The following PRX variants were observed in gnomAD, a reference collection of about 807,000 sequenced individuals.
The protein encoded by PRX is periaxin.
Under a neutral mutation model 29.6 loss-of-function variants are expected in PRX, and 24 were observed. That is an observed-to-expected ratio of 0.81 (90% confidence interval 0.59 to 1.14). The LOEUF is 1.14. Ranked by LOEUF, PRX falls within the 50% of genes most tolerant of loss-of-function variation. The pLI is 0.00. For missense variants in PRX, 1,838 were observed against 1,926.4 expected, an observed-to-expected ratio of 0.95 and a Z score of 0.86; for synonymous variants, 772 against 831.7, an observed-to-expected ratio of 0.93 and a Z score of 1.24.
chr19:40,410,201 ACT>A (rs2079552143), intron 1 of PRX, among the ~76,000 whole-genome samples: 1 of 150,194 alleles, frequency 6.7e-6, no homozygotes, highest in South Asian at 2.1e-4. Flanking sequence ...GGAGATGAAT[ACT>A]CTCTCCCCCA....
intron 1 of PRX, among the ~76,000 whole-genome samples, chr19:40,408,887 A>G (rs1263285112): frequency 1.3e-5 from 2 of 151,450 alleles, no homozygotes; most frequent in East Asian, 1.9e-4. Flanking sequence ...CTGGAGTGCA[A>G]TGGCGCGATC....
chr19:40,405,997 A>G (rs376131126), intron 4 of PRX, among the ~76,000 whole-genome samples: 1 of 150,706 alleles, frequency 6.6e-6, no homozygotes, highest in Non-Finnish European at 1.5e-5. Context: ...CTATAATCCC[A>G]GCACTTTGGG....
At chr19:40,402,767 T>C (rs2079504740) in intron 5 of PRX, among the ~76,000 whole-genome samples, 2 of 62,606 alleles carry the variant, frequency 3.2e-5, no homozygotes, top group African/African-American at 3.9e-4. Flanking sequence ...AGAGCGAGAC[T>C]CCGTCTCAAA....
In PRX at chr19:40,403,645, AG is replaced by A. The variant is rs1163853155; in HGVS notation, c.184+60del. ...CAGTTTCAGCCTCTCTTTGGACCCA[AG>A]GCAGATTCCTAACCCCGCCCCCGCA... On this transcript the variant is annotated intron_variant, in intron 5 of 6. Coordinates refer to ENST00000324001, the MANE Select transcript of PRX (RefSeq NM_181882.3). 3.3e-6 allele frequency: 5 copies of A among 1,499,252 alleles called. No homozygotes were observed. In the East Asian group the frequency reaches 1.2e-4, roughly 37 times the overall value. The allele number at this position is 1,499,252 out of a possible 1,614,324, so 92.9% of individuals were successfully genotyped here.
rs2079448733 is a variant in PRX, at chr19:40,397,256, C to T, written c.1096G>A (p.Gly366Arg). 8.1e-6 allele frequency: 13 copies of T among 1,613,814 alleles called. No individual in the cohort carries two copies. Among genetic ancestry groups the T allele is most frequent in the Non-Finnish European group, 1.1e-5 (13 of 1,180,040 alleles). Residue 366 changes from glycine to arginine, a missense_variant, in exon 7 of 7, where the codon GGG (glycine) becomes AGG (arginine). Transcript: ENST00000324001. Reference sequence around the variant, plus strand: ...TCAGCAACTTCCTTTGCTCGAGCCCCAAATCGGGGAAAACTAAGGCGGGGC... The same window carrying T: ...TCAGCAACTTCCTTTGCTCGAGCCCTAAATCGGGGAAAACTAAGGCGGGGC... ...KMPRLSFPRF[G>R]ARAKEVAEAK...
Position 40,403,826 on chromosome 19 carries a change from C to G in PRX, c.64G>C (p.Glu22Gln). 1 of 1,607,596 alleles carries G rather than the reference C, an allele frequency of 6.2e-7. No homozygotes were observed. The highest frequency in any genetic ancestry group is 1.1e-5 in the South Asian group (1 of 90,402). The change falls in exon 5 of 7, where the codon GAG (glutamate) becomes CAG (glutamine). Residue 22 changes from glutamate (E) to glutamine (Q), a missense_variant. Coordinates refer to ENST00000324001, the MANE Select transcript of PRX (RefSeq NM_181882.3). ...CTGACCCCGGTCTGCGCCTCCGTCT[C>G]CACGATAATTTCCACCAACTCCGCC... Reference protein sequence around the residue: ...RRAELVEIIVETEAQTGVSGI... With the variant: ...RRAELVEIIVQTEAQTGVSGI...
In PRX at chr19:40,397,711, G is replaced by A. The variant is rs368874138; in HGVS notation, c.641C>T (p.Pro214Leu). 2 of 1,561,896 alleles carry A rather than the reference G, an allele frequency of 1.3e-6. No homozygotes were observed. Among genetic ancestry groups the A allele is most frequent in the African/African-American group, 1.3e-5 (1 of 74,406 alleles). Reference sequence around the variant, plus strand: ...CTCAGCCTCCACCTTGGCTTTCCTGGGGGGAGGAGCGGCGGCGGCCAGCCG... The same window carrying A: ...CTCAGCCTCCACCTTGGCTTTCCTGAGGGGAGGAGCGGCGGCGGCCAGCCG... ...AARLAAAAPPPRKAKVEAEVA... is the reference protein window; with the variant it reads ...AARLAAAAPPLRKAKVEAEVA... The change falls in exon 7 of 7, where the codon CCC (proline) becomes CTC (leucine). Residue 214 changes from proline to leucine, a missense_variant. Coordinates refer to ENST00000324001, the MANE Select transcript of PRX (RefSeq NM_181882.3).
At position 40,408,159 on chromosome 19, in the gene PRX, G is replaced by A. The variant is rs1019891781; in HGVS notation, c.-101C>T. ...CCCCCACCCCAGCTGTCCTCTCACC[G>A]CTGCCTGGGTGCAGGCACTTCCTCC... On this transcript the variant is annotated splice_region_variant and 5_prime_UTR_variant, in exon 3 of 7. Transcript: ENST00000324001. 11 of 615,364 alleles carry A rather than the reference G, an allele frequency of 1.8e-5. No homozygotes were observed. The highest frequency in any genetic ancestry group is 5.7e-5 in the South Asian group (3 of 52,632). 38.1% of individuals were successfully genotyped at this position (615,364 alleles called of 1,614,324 possible).
chr19:40,408,011 A>G lies in PRX; in HGVS notation c.-79T>C. On this transcript the variant is annotated 5_prime_UTR_variant, in exon 4 of 7. The change abolishes an upstream ATG in the 5' untranslated region. Transcript: ENST00000324001. Reference sequence around the variant, plus strand: ...GCTGCAGAACCAGCTTCAGTTCTGCATGGAGCAGCTGCCTCTGAGCCTGTG... The same window carrying G: ...GCTGCAGAACCAGCTTCAGTTCTGCGTGGAGCAGCTGCCTCTGAGCCTGTG... 1.3e-6 allele frequency: 2 copies of G among 1,593,644 alleles called. No individual in the cohort carries two copies. Among genetic ancestry groups the G allele is most frequent in the Admixed American group, 1.7e-5 (1 of 59,444 alleles).
In PRX at chr19:40,397,002, G is replaced by T; in HGVS notation, c.1350C>A (p.Val450=). Residue 450 remains valine (V), a synonymous_variant, in exon 7 of 7, where the codon GTC becomes GTA. Coordinates refer to ENST00000324001, the MANE Select transcript of PRX (RefSeq NM_181882.3). ...PEVKLPKAPE[V]KLPKVPEAAL... Reference sequence around the variant, plus strand: ...CTGCCTCGGGCACTTTTGGAAGCTTGACCTCAGGAGCCTTGGGGAGCTTCA... The same window carrying T: ...CTGCCTCGGGCACTTTTGGAAGCTTTACCTCAGGAGCCTTGGGGAGCTTCA... 1 of 1,614,126 alleles carries T rather than the reference G, an allele frequency of 6.2e-7. No homozygotes were observed. The highest frequency in any genetic ancestry group is 8.5e-7 in the Non-Finnish European group (1 of 1,180,036).
intron 5 of PRX, among the ~76,000 whole-genome samples, chr19:40,400,212 C>T (rs1004852535): frequency 1.4e-5 from 2 of 144,714 alleles, no homozygotes. Context: ...GAACTCCCGA[C>T]GTCAGGTGAT....
Position 40,403,700 on chromosome 19 carries a change from G to A in PRX, c.184+6C>T. 2 of 1,527,312 alleles carry A rather than the reference G, an allele frequency of 1.3e-6. No homozygotes were observed. The highest frequency in any genetic ancestry group is 3.9e-5 in the Admixed American group (2 of 51,740). 94.6% of individuals were successfully genotyped at this position (1,527,312 alleles called of 1,614,324 possible). A position where few individuals can be genotyped will look rare whatever the true frequency, so the allele number is the denominator to read the frequency against. ...CGACCCCGCCCCACACCCCGGGCCC[G>A]CCCACCTTCCTGCAGGCTGAGGCTC... On this transcript the variant is annotated splice_donor_region_variant and intron_variant, in intron 5 of 6. Coordinates refer to ENST00000324001, the MANE Select transcript of PRX (RefSeq NM_181882.3).
rs1568704659 is a variant in PRX at position 40,395,410 on chromosome 19, C to T, written c.2942G>A (p.Gly981Glu). The change falls in exon 7 of 7, where the codon GGG (glycine) becomes GAG (glutamate). Residue 981 changes from glycine to glutamate, a missense_variant. Gly to Glu is a moderately conservative substitution (Grantham distance 98). Around this residue, in one of 3 missense-constraint regions of PRX, gnomAD observed 1,143 missense variants for 1,193.0 expected, o/e 0.96. Coordinates refer to ENST00000324001, the MANE Select transcript of PRX (RefSeq NM_181882.3). ...VGAEAEAKGA[G>E]EAGLLPALDL... ...GAGGGCAGGCAGCAGGCCTGCCTCC[C>T]CAGCCCCTTTGGCCTCAGCCTCAGC... 1 of 1,614,054 alleles carries T rather than the reference C, an allele frequency of 6.2e-7. No homozygotes were observed. The highest frequency in any genetic ancestry group is 1.1e-5 in the South Asian group (1 of 91,090).
At chr19:40,402,665 C>T (rs1482411190) in intron 5 of PRX, among the ~76,000 whole-genome samples, 1 of 149,854 alleles carries the variant, frequency 6.7e-6, no homozygotes, top group Non-Finnish European at 1.5e-5. Flanking sequence ...CTCCCAGCTA[C>T]TAGGGAGGCT....
rs371243093 is a variant in PRX, at chr19:40,397,812, C to T, written c.540G>A (p.Pro180=). The T allele has an allele frequency of 5.7e-4, 903 of 1,585,618 alleles. 2 individuals are homozygous for T. The highest frequency in any genetic ancestry group is 7.1e-4 in the Non-Finnish European group (824 of 1,166,902). Residue 180 remains proline, a synonymous_variant, in exon 7 of 7, where the codon CCG becomes CCA. Transcript: ENST00000324001. ...GGAGGCGCCGGCGGGCAGGGGCAGC[C>T]GGGACAGGACCCTTGACAGCCTCGG... The part of the protein sequence containing the change: ...LKAEAVKGPV[P]AAPARRRLQL...
chr19:40,406,966 GT>G lies in PRX; in HGVS notation c.27+939del, dbSNP rs556197654. 2.6e-3 allele frequency among the ~76,000 whole-genome samples: 399 copies of G among 151,906 alleles called. 1 individual carries two copies. The highest frequency in any genetic ancestry group is 9.5e-3 in the African/African-American group (393 of 41,432). The stretch of plus-strand genomic sequence containing the variant: ...TTTTTGTATTTTTAGCAGAGATGGG[GT>G]TTCACCGTATTGGCCAGGCTGGTCC... On this transcript the variant is annotated intron_variant, in intron 4 of 6. Coordinates refer to ENST00000324001, the MANE Select transcript of PRX (RefSeq NM_181882.3).
At chr19:40,399,845 T>TC (rs1568711406) in intron 5 of PRX, among the ~76,000 whole-genome samples, 1 of 129,580 alleles carries the variant, frequency 7.7e-6, no homozygotes, top group Non-Finnish European at 1.7e-5. Context: ...CACCCAGCTT[T>TC]CTTTCCTTTC....
At chr19:40,410,898 G>T (rs904000627) in intron 1 of PRX, among the ~76,000 whole-genome samples, 1 of 151,964 alleles carries the variant, frequency 6.6e-6, no homozygotes, top group Non-Finnish European at 1.5e-5. Flanking sequence ...AATAAAAAAA[G>T]CTCCAGCGCT....
chr19:40,399,854 T>C (rs12972640), intron 5 of PRX, among the ~76,000 whole-genome samples: 19,096 of 90,620 alleles, frequency 0.21, 1,493 homozygotes, highest in African/African-American at 0.26. Flanking sequence ...TTCTTTCCTT[T>C]CTTTCTTTCT....
Sources: allele counts gnomAD v4.1 joint callset (sites outside exome capture counted in the v4.1 genomes callset), GRCh38; gene constraint gnomAD v4.1.1; regional missense constraint gnomAD v4.1.1; transcripts MANE v1.5; gene names NCBI Gene and HGNC (gene_info 2026-07-23, HGNC 2026-07-21).